The following PCDHGA7 variants were observed in gnomAD, a reference collection of about 807,000 sequenced individuals.
The protein encoded by PCDHGA7 is protocadherin gamma subfamily A, 7, also known as protocadherin gamma-A7.
Under a neutral mutation model 58.3 loss-of-function variants are expected in PCDHGA7, and 44 were observed. That is an observed-to-expected ratio of 0.75 (90% CI 0.59 to 0.97). The LOEUF is 0.97. Among genes scored for constraint, PCDHGA7 ranks in the 50% least tolerant of loss-of-function variants. The pLI is 0.00. For missense variants in PCDHGA7, 1,266 were observed against 1,188.7 expected, an observed-to-expected ratio of 1.06 and a Z score of -0.96; for synonymous variants, 516 against 504.2, an observed-to-expected ratio of 1.02 and a Z score of -0.31.
intron 1 of PCDHGA7, chr5:141,478,777 C>T: frequency 6.7e-7 from 1 of 1,488,806 alleles, no homozygotes. Context: ...CATCTGTGGA[C>T]CTAATTCACA....
chr5:141,491,496 C>T lies in PCDHGA7; in HGVS notation c.2425-3311C>T, dbSNP rs372523924. ...AGTCCAGCCCCAACCTGCAGGTGAG[C>T]TCGGACGGCACGCTCAAGTACATGG... On this transcript the variant is annotated intron_variant, in intron 1 of 3. Transcript: ENST00000518325. This position sits in a 1 kb window ranked among gnomAD's most constrained non-coding sequence, Gnocchi z 6.9. 2.9e-5 allele frequency: 47 copies of T among 1,614,004 alleles called. No individual in the cohort carries two copies. Among genetic ancestry groups the T allele is most frequent in the Non-Finnish European group, 3.7e-5 (44 of 1,180,026 alleles).
At chr5:141,435,362 C>A (rs2097758711) in intron 1 of PCDHGA7, among the ~76,000 whole-genome samples, 1 of 152,120 alleles carries the variant, frequency 6.6e-6, no homozygotes, top group Admixed American at 6.6e-5. Flanking sequence ...AAAATTTTAT[C>A]ACTTAAATAT....
At chr5:141,444,434 G>A (rs761353277) in intron 1 of PCDHGA7, among the ~76,000 whole-genome samples, 16 of 152,196 alleles carry the variant, frequency 1.1e-4, no homozygotes, top group Admixed American at 7.2e-4. Flanking sequence ...GCCTCCCAAA[G>A]TGCTGGGATT....
chr5:141,412,396 A>G (rs2095553141), intron 1 of PCDHGA7: 1 of 152,216 alleles, frequency 6.6e-6, no homozygotes, highest in Non-Finnish European at 1.5e-5. Flanking sequence ...TTTAACTTGT[A>G]TCCCTGTAAG....
intron 3 of PCDHGA7, 90 bp from the exon 4 acceptor site, chr5:141,510,857 A>G (rs1184962556): frequency 6.2e-7 from 1 of 1,605,538 alleles, no homozygotes; most frequent in Non-Finnish European, 8.5e-7. Flanking sequence ...AGGGTGCTGT[A>G]TAGGCATTCA....
At chr5:141,430,261 A>T (rs1236197353) in intron 1 of PCDHGA7, among the ~76,000 whole-genome samples, 1 of 152,104 alleles carries the variant, frequency 6.6e-6, no homozygotes, top group African/African-American at 2.4e-5. Context: ...CATCTCCATA[A>T]TAGGTGTGTT....
chr5:141,431,424 G>T lies in PCDHGA7; in HGVS notation c.2424+46101G>T, dbSNP rs747132868. 6.8e-6 allele frequency: 11 copies of T among 1,613,676 alleles called. No homozygotes were observed. The highest frequency in any genetic ancestry group is 5.9e-6 in the Non-Finnish European group (7 of 1,180,028). On this transcript the variant is annotated intron_variant, in intron 1 of 3. Coordinates refer to ENST00000518325, the MANE Select transcript of PCDHGA7 (RefSeq NM_018920.4). The surrounding 1 kb of genome is among the most constrained non-coding windows in gnomAD (Gnocchi z 4.8). ...GCCTCCGACGGGGGCGACCCGGTGC[G>T]CACAGGCACCGCGCGCATCCGCGTG...
rs983488072 is a variant in PCDHGA7, at chr5:141,383,476, G to T, written c.577G>T (p.Glu193Ter). The T allele has an allele frequency of 6.2e-7, 1 of 1,613,748 alleles. No individual in the cohort carries two copies. Among genetic ancestry groups the T allele is most frequent in the South Asian group, 1.1e-5 (1 of 91,060 alleles). The change falls in exon 1 of 4, where the codon GAA becomes TAA. Residue 193 changes from glutamate (E) to a stop codon, truncating the protein, a stop_gained. Transcript: ENST00000518325. LOFTEE classifies it high-confidence loss of function. ...QSGDDETKYP[E>*]LVLERVLDRE... Reference sequence around the variant, plus strand: ...TGGAGACGATGAAACTAAGTACCCGGAACTGGTGCTGGAGCGGGTGCTGGA... The same window carrying T: ...TGGAGACGATGAAACTAAGTACCCGTAACTGGTGCTGGAGCGGGTGCTGGA...
intron 3 of PCDHGA7, among the ~76,000 whole-genome samples, chr5:141,506,682 C>A (rs1333272766): frequency 6.6e-6 from 1 of 152,192 alleles, no homozygotes; most frequent in East Asian, 1.9e-4. Context: ...ATATTATTAT[C>A]TTTGCTGACC....
In PCDHGA7 at chr5:141,389,561, G is replaced by A. The variant is rs115696241; in HGVS notation, c.2424+4238G>A. On this transcript the variant is annotated intron_variant, in intron 1 of 3. Transcript: ENST00000518325. Reference sequence around the variant, plus strand: ...ACGACCGCAACGACAATGCGCCACGGGTGCTGTACCCCGCGCTGGGTCCCG... The same window carrying A: ...ACGACCGCAACGACAATGCGCCACGAGTGCTGTACCCCGCGCTGGGTCCCG... 3,114 of 1,613,258 alleles carry A rather than the reference G, an allele frequency of 1.9e-3. 62 individuals carry two copies. The African/African-American group carries it at 0.034, about 18-fold the overall frequency.
At chr5:141,415,157 C>T in intron 1 of PCDHGA7, 1 of 1,613,864 alleles carries the variant, frequency 6.2e-7, no homozygotes, top group Non-Finnish European at 8.5e-7. Flanking sequence ...CTCTCCGCCA[C>T]TGTCACGCTC....
In PCDHGA7 at chr5:141,463,735, C is replaced by T. The variant is rs1411988885; in HGVS notation, c.2425-31072C>T. On this transcript the variant is annotated intron_variant, in intron 1 of 3. Coordinates refer to ENST00000518325, the MANE Select transcript of PCDHGA7 (RefSeq NM_018920.4). ...TGCTGGGATTACAGGCATGAGCCAC[C>T]GCGCCCGGCCTGCTTCTCTTCTCTT... 3.3e-5 allele frequency among the ~76,000 whole-genome samples: 5 copies of T among 152,100 alleles called. No individual in the cohort carries two copies. The East Asian group carries it at 7.8e-4, about 24-fold the overall frequency.
intron 1 of PCDHGA7, among the ~76,000 whole-genome samples, chr5:141,454,626 G>A (rs1206050863): frequency 6.6e-6 from 1 of 151,304 alleles, no homozygotes; most frequent in African/African-American, 2.4e-5. Flanking sequence ...GGCTGGTCTC[G>A]AACCCCCAAC....
chr5:141,463,184 T>A (rs62379194), intron 1 of PCDHGA7, among the ~76,000 whole-genome samples: 5,135 of 152,236 alleles, frequency 0.034, 100 homozygotes, highest in Middle Eastern at 0.088. Context: ...CTCAGATTAT[T>A]ATTTAGCCAA....
In PCDHGA7 at chr5:141,382,981, G is replaced by A. The variant is rs781148657; in HGVS notation, c.82G>A (p.Ala28Thr). The change falls in exon 1 of 4, where the codon GCA becomes ACA. Residue 28 changes from alanine to threonine, a missense_variant. Transcript: ENST00000518325. The stretch of plus-strand genomic sequence containing the variant: ...CCTGGGGACCCCCTGGGAAGCCTGG[G>A]CAGGACGTATTCTCTACTCCGTGTC... ...ILLGTPWEAW[A>T]GRILYSVSEE... The A allele has an allele frequency of 6.2e-7, 1 of 1,612,324 alleles. No individual in the cohort carries two copies. Among genetic ancestry groups the A allele is most frequent in the Non-Finnish European group, 8.5e-7 (1 of 1,178,770 alleles).
chr5:141,431,256 C>T lies in PCDHGA7; in HGVS notation c.2424+45933C>T. The stretch of plus-strand genomic sequence containing the variant: ...TGGGATCCGGATATCGGGAAGAACT[C>T]TCTGCAGAGCTACGAGCTCAGCCCG... On this transcript the variant is annotated intron_variant, in intron 1 of 3. Transcript: ENST00000518325. This position sits in a 1 kb window ranked among gnomAD's most constrained non-coding sequence, Gnocchi z 4.8. The T allele has an allele frequency of 6.2e-7, 1 of 1,614,194 alleles. No homozygotes were observed. Among genetic ancestry groups the T allele is most frequent in the South Asian group, 1.1e-5 (1 of 91,088 alleles).
intron 1 of PCDHGA7, chr5:141,398,743 A>G: frequency 6.2e-7 from 1 of 1,613,864 alleles, no homozygotes; most frequent in Non-Finnish European, 8.5e-7. Flanking sequence ...GGAACAACAG[A>G]GTTACCATCG....
intron 1 of PCDHGA7, among the ~76,000 whole-genome samples, chr5:141,464,888 GCCACCATGT>G (rs1351812446): frequency 6.6e-6 from 1 of 152,000 alleles, no homozygotes; most frequent in East Asian, 1.9e-4. Context: ...ACAGATGGAT[GCCACCATGT>G]CCAGCTAATT....
chr5:141,419,773 C>CAG, intron 1 of PCDHGA7: 1 of 1,614,034 alleles, frequency 6.2e-7, no homozygotes, highest in Non-Finnish European at 8.5e-7. Flanking sequence ...AGGACTCGGT[C>CAG]CGCCAGCGCC....
Sources: gnomAD v4.1 joint callset for allele counts (sites outside exome capture counted in the v4.1 genomes callset) on GRCh38, gnomAD v4.1.1 for gene constraint, Gnocchi (gnomAD v3.1) non-coding constraint, MANE v1.5 for transcripts, NCBI Gene and HGNC (gene_info 2026-07-23, HGNC 2026-07-21) for gene names.